Variants in GABRA3 observed in about 807,000 individuals in gnomAD.
The protein encoded by GABRA3 is gamma-aminobutyric acid type A receptor subunit alpha3.
GABRA3 carries 10 observed loss-of-function variants against 30.1 expected under a neutral mutation model. That is an observed-to-expected ratio of 0.33 (90% CI 0.20 to 0.56). The LOEUF (loss-of-function observed/expected upper bound fraction) is 0.56, where lower values mean the gene tolerates loss of function less well. GABRA3 is among the 20% of genes least tolerant of loss of function. The probability of loss-of-function intolerance (pLI) is 0.89; values close to 1 mark genes in which losing one functional copy is unlikely to be tolerated. For synonymous variants in GABRA3, 151 were observed against 146.8 expected, an observed-to-expected ratio of 1.03 and a Z score of -0.21; for missense variants, 233 against 392.0, an observed-to-expected ratio of 0.59 and a Z score of 3.42.
chrX:152,385,374 A>G (rs914802226), intron 1 of GABRA3, among the ~76,000 whole-genome samples: 5 of 112,231 alleles, frequency 4.5e-5, no homozygotes, highest in Non-Finnish European at 7.5e-5. Flanking sequence ...CTATCTTACA[A>G]TAGAATGAAT....
intron 3 of GABRA3, among the ~76,000 whole-genome samples, chrX:152,307,240 G>T (rs1299293442): frequency 8.9e-6 from 1 of 111,773 alleles, no homozygotes; most frequent in Admixed American, 9.6e-5. Context: ...GTAAAGTAAA[G>T]TAAATTAAAT....
intron 1 of GABRA3, among the ~76,000 whole-genome samples, chrX:152,428,311 C>T (rs1204354865): frequency 5.4e-5 from 6 of 111,924 alleles, no homozygotes; most frequent in Non-Finnish European, 1.1e-4. Context: ...GGCTGCTATG[C>T]GGTGGCGTCC....
intron 1 of GABRA3, among the ~76,000 whole-genome samples, chrX:152,441,423 T>C (rs1930929073): frequency 1.8e-5 from 2 of 111,876 alleles, no homozygotes; most frequent in Non-Finnish European, 3.8e-5. Flanking sequence ...CTTCAAATCA[T>C]TCTACAGATT....
chrX:152,409,696 A>C (rs1489732464), intron 1 of GABRA3, among the ~76,000 whole-genome samples: 2 of 112,307 alleles, frequency 1.8e-5, no homozygotes, highest in Non-Finnish European at 3.8e-5. Context: ...TAAATGAACA[A>C]AAGATAGGCA....
intron 1 of GABRA3, among the ~76,000 whole-genome samples, chrX:152,427,307 C>A: frequency 9.0e-6 from 1 of 111,572 alleles, no homozygotes; most frequent in Non-Finnish European, 1.9e-5. Context: ...CTCTGTATCT[C>A]TATTTTCACA....
intron 5 of GABRA3, among the ~76,000 whole-genome samples, chrX:152,229,530 G>A (rs1762606031): frequency 9.0e-6 from 1 of 110,672 alleles, no homozygotes; most frequent in South Asian, 3.8e-4. Flanking sequence ...ATGAGAGAAT[G>A]AGCCTTGTAG....
chrX:152,373,072 G>A (rs780284786), intron 1 of GABRA3, among the ~76,000 whole-genome samples: 6 of 111,685 alleles, frequency 5.4e-5, no homozygotes, highest in East Asian at 2.8e-4. Context: ...ACACTGATTC[G>A]GAAACTATGC....
At chrX:152,408,934 A>G (rs1930001877) in intron 1 of GABRA3, among the ~76,000 whole-genome samples, 1 of 112,306 alleles carries the variant, frequency 8.9e-6, no homozygotes, top group Admixed American at 9.4e-5. Context: ...TGACCAATTC[A>G]TTTTTGACAA....
At chrX:152,258,329 T>G (rs755363103) in intron 4 of GABRA3, among the ~76,000 whole-genome samples, 1 of 111,698 alleles carries the variant, frequency 9.0e-6, no homozygotes, top group Admixed American at 9.5e-5. Flanking sequence ...ATGAAAGAGA[T>G]ATTAGTGAAC....
chrX:152,336,382 G>A (rs1421985307), intron 3 of GABRA3, among the ~76,000 whole-genome samples: 1 of 111,817 alleles, frequency 8.9e-6, no homozygotes, highest in Non-Finnish European at 1.9e-5. Flanking sequence ...ATTTAAACCT[G>A]TTTCTTGTTC....
At chrX:152,363,933 G>A (rs1347648621) in intron 2 of GABRA3, among the ~76,000 whole-genome samples, 1 of 111,447 alleles carries the variant, frequency 9.0e-6, no homozygotes, top group Non-Finnish European at 1.9e-5. Context: ...AGAGTCTGGG[G>A]TTGGAAGTCA....
rs767412334 is a variant in GABRA3 at position 152,382,553 on chromosome X, C to T, written c.-26-17957G>A. On this transcript the variant is annotated intron_variant, in intron 1 of 9. Transcript: ENST00000370314. ...ATCTTGTCTATTTTTGCTTTTGTTG[C>T]CTGTGCTTTTGGGGTCATAGATAAA... Among the ~76,000 whole-genome samples the T allele has an allele frequency of 2.7e-3, 300 of 111,810 alleles. 2 individuals carry two copies. The highest frequency in any genetic ancestry group is 4.1e-3 in the South Asian group (11 of 2,676).
chrX:152,237,164 A>T (rs918060065), intron 5 of GABRA3, among the ~76,000 whole-genome samples: 1 of 111,047 alleles, frequency 9.0e-6, no homozygotes, highest in African/African-American at 3.3e-5. Context: ...TCTTGAATTG[A>T]TTTTTGTCTA....
At chrX:152,219,836 A>G (rs200116434) in intron 6 of GABRA3, among the ~76,000 whole-genome samples, 1 of 110,885 alleles carries the variant, frequency 9.0e-6, no homozygotes, top group South Asian at 3.7e-4. Flanking sequence ...ATAAAGCACT[A>G]TATACTATAC....
At chrX:152,231,145 A>G (rs1365140217) in intron 5 of GABRA3, among the ~76,000 whole-genome samples, 1 of 90,842 alleles carries the variant, frequency 1.1e-5, no homozygotes, top group Non-Finnish European at 1.9e-5. Flanking sequence ...AGAAGTGTAT[A>G]TATATATATA....
chrX:152,393,667 T>C, intron 1 of GABRA3: 1 of 227,838 alleles, frequency 4.4e-6, no homozygotes, highest in Non-Finnish European at 8.4e-6. Flanking sequence ...GGAGGAGATA[T>C]CATGGCACAT....
At chrX:152,364,369 T>A (rs946923554) in intron 2 of GABRA3, 62 bp downstream of exon 2, 134 of 1,098,645 alleles carry the variant, frequency 1.2e-4, no homozygotes, top group Non-Finnish European at 1.5e-4. Flanking sequence ...ACATCAGAAG[T>A]TTTGGTCTGA....
At chrX:152,361,433 C>T (rs1020642065) in intron 2 of GABRA3, among the ~76,000 whole-genome samples, 21 of 108,096 alleles carry the variant, frequency 1.9e-4, no homozygotes, top group Admixed American at 4.0e-4. Flanking sequence ...ATTAGCTGGG[C>T]GTGGTGGCAT....
At chrX:152,368,287 C>T (rs148608897) in intron 1 of GABRA3, among the ~76,000 whole-genome samples, 357 of 111,724 alleles carry the variant, frequency 3.2e-3, no homozygotes, top group African/African-American at 0.011. Flanking sequence ...CATCTACCCA[C>T]CCCAGACCAT....
Sources: allele counts gnomAD v4.1 joint callset (sites outside exome capture counted in the v4.1 genomes callset), GRCh38; gene constraint gnomAD v4.1.1; transcripts MANE v1.5; gene names NCBI Gene and HGNC (gene_info 2026-07-23, HGNC 2026-07-21).